SKP1: variants seen among roughly 807,000 people sequenced by gnomAD.
SKP1 encodes S-phase kinase associated protein 1, also known as S-phase kinase-associated protein 1.
A neutral mutation model predicts 21.5 loss-of-function variants in SKP1; 1 was observed. The observed-to-expected ratio is 0.05, with a 90% confidence interval of 0.02 to 0.22. The LOEUF is 0.22. Among genes scored for constraint, SKP1 ranks in the 10% least tolerant of loss-of-function variants. The pLI, the probability that SKP1 is intolerant of heterozygous loss-of-function variation, is 1.00. For missense variants in SKP1, 70 were observed against 192.0 expected (o/e 0.36, Z 3.76); for synonymous variants, 59 against 59.3 (o/e 0.99, Z 0.03).
At chr5:134,172,132 T>G (rs1459131863) in intron 2 of SKP1, among the ~76,000 whole-genome samples, 12 of 152,374 alleles carry the variant, frequency 7.9e-5, no homozygotes, top group South Asian at 2.1e-4. Context: ...AGCCAAGATG[T>G]TCCCACAGCG....
At chr5:134,173,161 C>T (rs949122400) in intron 2 of SKP1, among the ~76,000 whole-genome samples, 1 of 151,834 alleles carries the variant, frequency 6.6e-6, no homozygotes, top group Admixed American at 6.6e-5. Context: ...GGAGAAACCC[C>T]GTCTCTAACA....
chr5:134,157,537 A>G lies in SKP1; in HGVS notation c.*196T>C. ...GCAAAGAAAAAAGAAACTTTCCATC[A>G]TACTAGAAGAAACTTGGCCGTAAGG... On this transcript the variant is annotated 3_prime_UTR_variant, in exon 6 of 6. Transcript: ENST00000353411. 1 of 563,798 alleles carries G rather than the reference A, an allele frequency of 1.8e-6. No homozygotes were observed. Among genetic ancestry groups the G allele is most frequent in the Non-Finnish European group, 3.2e-6 (1 of 314,678 alleles). 34.9% of individuals were successfully genotyped at this position (563,798 alleles called of 1,614,324 possible).
rs1761107573 is a variant in SKP1, at chr5:134,155,564, T to C, written c.*2169A>G. The C allele has an allele frequency of 6.6e-6, 1 of 152,214 alleles. No homozygotes were observed. Among genetic ancestry groups the C allele is most frequent in the African/African-American group, 2.4e-5 (1 of 41,474 alleles). 9.4% of individuals were successfully genotyped at this position (152,214 alleles called of 1,614,324 possible). ...AGGAAACAAAAATTTAAATTACTAC[T>C]ATATTGTCTGTCCATCCAATCTTTC... is the stretch of plus-strand genomic sequence containing the variant. On this transcript the variant is annotated 3_prime_UTR_variant, in exon 6 of 6. Coordinates refer to ENST00000353411, the MANE Select transcript of SKP1 (RefSeq NM_170679.3).
At chr5:134,168,836 G>A (rs1410978307) in intron 2 of SKP1, among the ~76,000 whole-genome samples, 1 of 152,020 alleles carries the variant, frequency 6.6e-6, no homozygotes, top group Non-Finnish European at 1.5e-5. Context: ...TAGGAAGAGA[G>A]GATCAAGAGC....
chr5:134,153,925 TCCAA>T lies in SKP1; in HGVS notation c.*3804_*3807del, dbSNP rs1273494986. ...CATGTTACAAGGCTGCAGTTACCTG[TCCAA>T]CCAAGTCACAATATAGTTCTTGCTT... is the stretch of plus-strand genomic sequence containing the variant. On this transcript the variant is annotated 3_prime_UTR_variant, in exon 6 of 6. Transcript: ENST00000353411. The T allele has an allele frequency of 6.6e-6, 1 of 152,216 alleles. No homozygotes were observed. The highest frequency in any genetic ancestry group is 2.4e-5 in the African/African-American group (1 of 41,462). The allele number at this position is 152,216 out of a possible 1,614,324, so 9.4% of individuals were successfully genotyped here.
At chr5:134,176,403 A>G (rs1300996700) in intron 1 of SKP1, among the ~76,000 whole-genome samples, 1 of 152,070 alleles carries the variant, frequency 6.6e-6, no homozygotes, top group Non-Finnish European at 1.5e-5. Flanking sequence ...CCTCCCGACC[A>G]CAACAAAAGC....
At chr5:134,172,393 GT>G (rs1303346340) in intron 2 of SKP1, among the ~76,000 whole-genome samples, 1 of 152,086 alleles carries the variant, frequency 6.6e-6, no homozygotes, top group African/African-American at 2.4e-5. Context: ...ATACTACTAA[GT>G]TTTTTTCATC....
intron 5 of SKP1, 70 bp downstream of exon 5, chr5:134,158,385 G>A (rs1454422881): frequency 6.2e-7 from 1 of 1,611,716 alleles, no homozygotes; most frequent in African/African-American, 1.3e-5. Context: ...CACCTCTTTT[G>A]CTGGCATGTT....
chr5:134,166,077 G>A (rs79111529), intron 3 of SKP1, among the ~76,000 whole-genome samples: 2,069 of 151,052 alleles, frequency 0.014, 28 homozygotes, highest in African/African-American at 0.038. Flanking sequence ...CTAGCTATTC[G>A]GGAGGCTGAG....
intron 1 of SKP1, 75 bp from the exon 2 acceptor site, chr5:134,174,097 C>T: frequency 2.2e-6 from 2 of 894,452 alleles, no homozygotes; most frequent in Non-Finnish European, 3.7e-6. Context: ...TACAGTCCAT[C>T]AGAAGGCTCT....
chr5:134,172,316 T>A (rs539235965), intron 2 of SKP1, among the ~76,000 whole-genome samples: 1 of 152,324 alleles, frequency 6.6e-6, no homozygotes, highest in East Asian at 1.9e-4. Flanking sequence ...TTCGTTCAAG[T>A]ATTTATAATC....
At chr5:134,171,821 G>T (rs1761445411) in intron 2 of SKP1, among the ~76,000 whole-genome samples, 1 of 152,178 alleles carries the variant, frequency 6.6e-6, no homozygotes. Context: ...GAGGTGGGCG[G>T]ATCACCTGAG....
chr5:134,168,010 GTACTT>G (rs1318634831), intron 2 of SKP1, among the ~76,000 whole-genome samples: 3 of 152,200 alleles, frequency 2.0e-5, no homozygotes, highest in African/African-American at 7.2e-5. Context: ...AATATAAAAA[GTACTT>G]TACTTAGAAC....
chr5:134,176,036 C>T (rs938357540), intron 1 of SKP1, among the ~76,000 whole-genome samples: 1 of 152,216 alleles, frequency 6.6e-6, no homozygotes, highest in African/African-American at 2.4e-5. Flanking sequence ...ATACATTCTA[C>T]TGTCACGCTC....
chr5:134,169,316 C>A (rs1188339188), intron 2 of SKP1, among the ~76,000 whole-genome samples: 1 of 152,190 alleles, frequency 6.6e-6, no homozygotes, highest in Non-Finnish European at 1.5e-5. Flanking sequence ...TCCCTCCCAC[C>A]AATGCCTATC....
rs1473525419 is a variant in SKP1, at chr5:134,149,024, C to T, written c.*8709G>A. ...AGGGGGTACAAATGCAGCTGTGTTA[C>T]ATGAATATATTGTGTAGCGGTGAGG... On this transcript the variant is annotated 3_prime_UTR_variant, in exon 6 of 6. Coordinates refer to ENST00000353411, the MANE Select transcript of SKP1 (RefSeq NM_170679.3). The T allele has an allele frequency of 1.3e-5, 2 of 152,104 alleles. No individual in the cohort carries two copies. Among genetic ancestry groups the T allele is most frequent in the East Asian group, 1.9e-4 (1 of 5,200 alleles). The allele number at this position is 152,104 out of a possible 1,614,324, so 9.4% of individuals were successfully genotyped here.
At chr5:134,174,125 G>A (rs1029747082) in intron 1 of SKP1, 103 bp from the exon 2 acceptor site, 3 of 728,732 alleles carry the variant, frequency 4.1e-6, no homozygotes, top group African/African-American at 1.8e-5. Flanking sequence ...TGACCACAAA[G>A]TTCTAAGAAC....
chr5:134,160,566 A>C (rs1470090309), intron 4 of SKP1, among the ~76,000 whole-genome samples: 1 of 152,110 alleles, frequency 6.6e-6, no homozygotes, highest in African/African-American at 2.4e-5. Context: ...ATAAAAATTT[A>C]TAATTGTTAT....
At chr5:134,166,184 C>CAA (rs112400755) in intron 3 of SKP1, among the ~76,000 whole-genome samples, 1 of 127,462 alleles carries the variant, frequency 7.8e-6, no homozygotes, top group Non-Finnish European at 1.7e-5. Context: ...GGCTCCATCT[C>CAA]AAAAAAAAAA....
Sources: gnomAD v4.1 joint callset for allele counts (sites outside exome capture counted in the v4.1 genomes callset) on GRCh38, gnomAD v4.1.1 for gene constraint, MANE v1.5 for transcripts, NCBI Gene and HGNC (gene_info 2026-07-23, HGNC 2026-07-21) for gene names.